The following FYB1 variants were observed in gnomAD, a reference collection of about 807,000 sequenced individuals.
FYB1 encodes FYN binding protein 1.
In FYB1, 41 loss-of-function variants were observed where a neutral mutation model predicts 94.1. The ratio of observed to expected loss-of-function variants is 0.44; its 90% CI spans 0.34 to 0.57. The LOEUF is 0.57. Ranked by LOEUF, FYB1 falls within the 20% of genes least tolerant of loss-of-function variation. The pLI, the probability that FYB1 is intolerant of heterozygous loss-of-function variation, is 0.02. For missense variants in FYB1, 1,050 were observed against 976.8 expected, an observed-to-expected ratio of 1.07 and a Z score of -1.00; for synonymous variants, 367 against 353.2, an observed-to-expected ratio of 1.04 and a Z score of -0.44.
At chr5:39,231,678 G>A (rs1035596683) in intron 1 of FYB1, among the ~76,000 whole-genome samples, 2 of 151,748 alleles carry the variant, frequency 1.3e-5, no homozygotes, top group Non-Finnish European at 2.9e-5. Context: ...TGCTAATAAG[G>A]AGGTGCTCAG....
At chr5:39,216,795 G>C (rs934229833) in intron 1 of FYB1, among the ~76,000 whole-genome samples, 7 of 152,198 alleles carry the variant, frequency 4.6e-5, no homozygotes, top group Admixed American at 4.6e-4. Flanking sequence ...GGCAGCATGT[G>C]AATTTGGTGG....
intron 18 of FYB1, among the ~76,000 whole-genome samples, chr5:39,107,966 GTCACAGTACAATAAAAAATTTC>G (rs1308878658): frequency 2.0e-5 from 3 of 151,960 alleles, no homozygotes; most frequent in African/African-American, 7.2e-5. Context: ...CTTATTATGA[GTCACAGTACAATAAAAAATTTC>G]CCAAATATTT....
intron 1 of FYB1, chr5:39,250,731 T>C (rs1412479892): frequency 6.6e-6 from 1 of 152,212 alleles, no homozygotes; most frequent in Non-Finnish European, 1.5e-5. Flanking sequence ...GGCGAGATCT[T>C]ATCACCTCTG....
intron 1 of FYB1, among the ~76,000 whole-genome samples, chr5:39,247,855 A>G (rs1751551281): frequency 6.7e-6 from 1 of 149,368 alleles, no homozygotes; most frequent in Non-Finnish European, 1.5e-5. Flanking sequence ...CATTGGCAAT[A>G]ACTTTTTTTC....
intron 1 of FYB1, among the ~76,000 whole-genome samples, chr5:39,233,761 A>T (rs1487489680): frequency 1.3e-5 from 2 of 152,178 alleles, no homozygotes; most frequent in Non-Finnish European, 2.9e-5. Context: ...TGAAGTATAT[A>T]AAGATATGGC....
intron 3 of FYB1, among the ~76,000 whole-genome samples, chr5:39,147,842 G>A (rs941598023): frequency 3.3e-5 from 5 of 151,074 alleles, no homozygotes; most frequent in Admixed American, 6.6e-5. Context: ...CACCACGCCC[G>A]GCTAATTTTT....
chr5:39,110,881 C>G (rs1273914545), intron 16 of FYB1: 1 of 283,638 alleles, frequency 3.5e-6, no homozygotes, highest in African/African-American at 2.3e-5. Context: ...CTATTGACTA[C>G]TAGGGGGACT....
chr5:39,231,628 TGA>T (rs1431408648), intron 1 of FYB1, among the ~76,000 whole-genome samples: 1 of 152,144 alleles, frequency 6.6e-6, no homozygotes, highest in Non-Finnish European at 1.5e-5. Context: ...TTTCGTGGGC[TGA>T]GAGACCAGGA....
At chr5:39,235,901 C>T (rs979765190) in intron 1 of FYB1, among the ~76,000 whole-genome samples, 1 of 151,932 alleles carries the variant, frequency 6.6e-6, no homozygotes, top group African/African-American at 2.4e-5. Flanking sequence ...TTGGTGTGGT[C>T]CAATATGGTA....
At chr5:39,196,356 A>T (rs1012808744) in intron 2 of FYB1, among the ~76,000 whole-genome samples, 2 of 151,800 alleles carry the variant, frequency 1.3e-5, no homozygotes, top group African/African-American at 4.8e-5. Flanking sequence ...GGTGCGCACC[A>T]CTATGCCTGG....
intron 1 of FYB1, among the ~76,000 whole-genome samples, chr5:39,272,670 C>CAAAAAAA: frequency 1.4e-5 from 1 of 70,868 alleles, no homozygotes; most frequent in Non-Finnish European, 2.7e-5. Flanking sequence ...AGACTCATCT[C>CAAAAAAA]AAAAAAAAAA....
chr5:39,252,018 G>T (rs1306234292), intron 1 of FYB1, among the ~76,000 whole-genome samples: 1 of 152,054 alleles, frequency 6.6e-6, no homozygotes, highest in Admixed American at 6.6e-5. Flanking sequence ...GGTGGCGGGC[G>T]CCTGTAGTCC....
At chr5:39,138,520 A>T in intron 6 of FYB1, 137 bp downstream of exon 6, 1 of 509,302 alleles carries the variant, frequency 2.0e-6, no homozygotes, top group Non-Finnish European at 3.5e-6. Flanking sequence ...TTTAAATTGA[A>T]ATAAAAGTTA....
chr5:39,109,696 G>T (rs1400148287), intron 17 of FYB1, among the ~76,000 whole-genome samples: 1 of 152,076 alleles, frequency 6.6e-6, no homozygotes, highest in South Asian at 2.1e-4. Flanking sequence ...GCATTGGCAC[G>T]TGACCTAACC....
intron 3 of FYB1, among the ~76,000 whole-genome samples, chr5:39,141,744 C>T (rs577890165): frequency 4.6e-5 from 7 of 152,014 alleles, no homozygotes; most frequent in African/African-American, 7.3e-5. Flanking sequence ...TGGTAGTGCA[C>T]GTCTGTAACC....
chr5:39,169,961 G>C (rs1158778802), intron 2 of FYB1: 1 of 661,452 alleles, frequency 1.5e-6, no homozygotes, highest in Non-Finnish European at 2.8e-6. Flanking sequence ...TTAAAGGGCA[G>C]CTCATCATCA....
chr5:39,268,566 TA>T (rs1449013417), intron 1 of FYB1, among the ~76,000 whole-genome samples: 2 of 152,192 alleles, frequency 1.3e-5, no homozygotes, highest in South Asian at 2.1e-4. Context: ...AAATATGTGT[TA>T]TTTTTTTTTT....
chr5:39,208,936 T>C (rs1749098035), intron 1 of FYB1: 1 of 152,088 alleles, frequency 6.6e-6, no homozygotes, highest in South Asian at 2.1e-4. Context: ...TATAGAGCAA[T>C]AGGATTCTGC....
At chr5:39,220,883 A>G (rs1427909480), upstream of FYB1, among the ~76,000 whole-genome samples, 1 of 152,220 alleles carries the variant, frequency 6.6e-6, no homozygotes, top group East Asian at 1.9e-4. Flanking sequence ...ATTGTAAGAA[A>G]AGGGAGAAGA....
Sources: gnomAD v4.1 joint callset for allele counts (sites outside exome capture counted in the v4.1 genomes callset) on GRCh38, gnomAD v4.1.1 for gene constraint, MANE v1.5 for transcripts, NCBI Gene and HGNC (gene_info 2026-07-23, HGNC 2026-07-21) for gene names.